Variants in CLNK observed in about 807,000 individuals in gnomAD.
CLNK encodes the protein cytokine-dependent hematopoietic cell linker.
A neutral mutation model predicts 68.6 loss-of-function variants in CLNK; 74 were observed. The ratio of observed to expected loss-of-function variants is 1.08; its 90% CI spans 0.89 to 1.31. The LOEUF is 1.31. CLNK is among the 50% of genes most tolerant of loss of function. The pLI is 0.00. For missense variants in CLNK, 553 were observed against 515.3 expected (o/e 1.07, Z -0.71); for synonymous variants, 198 against 172.2 (o/e 1.15, Z -1.17).
At chr4:10,610,745 C>T (rs1013555981) in intron 2 of CLNK, among the ~76,000 whole-genome samples, 2 of 147,354 alleles carry the variant, frequency 1.4e-5, no homozygotes, top group African/African-American at 2.5e-5. Context: ...ATTCTGGATG[C>T]GTGATAGAAA....
rs143924109 is a variant in CLNK at position 10,559,390 on chromosome 4, A to AT, written c.400-939dup. On this transcript the variant is annotated intron_variant, in intron 7 of 18. Transcript: ENST00000226951. ...TTAGGGGTTGAGTGTTGGTTGGATT[A>AT]TTTTTTTTTATCGTGGCTATTGACT... 5.1e-4 allele frequency among the ~76,000 whole-genome samples: 77 copies of AT among 151,140 alleles called. No individual in the cohort carries two copies. The East Asian group carries it at 6.2e-3, about 12-fold the overall frequency.
chr4:10,699,295 C>CACACACCACATACGTGTGTATAT, the CLNK span, among the ~76,000 whole-genome samples: 2 of 80,568 alleles, frequency 2.5e-5, no homozygotes, highest in Non-Finnish European at 5.8e-5. Flanking sequence ...CGTGTATACA[C>CACACACCACATACGTGTGTATAT]ACACACACCA....
intron 1 of CLNK, among the ~76,000 whole-genome samples, chr4:10,670,990 A>C (rs1450269873): frequency 1.3e-5 from 2 of 152,220 alleles, no homozygotes; most frequent in African/African-American, 4.8e-5. Context: ...AATTTGAATA[A>C]AAGTTAAAAA....
chr4:10,625,436 C>T (rs1353520558), intron 2 of CLNK, among the ~76,000 whole-genome samples: 3 of 152,208 alleles, frequency 2.0e-5, no homozygotes, highest in Non-Finnish European at 1.5e-5. Flanking sequence ...CTCTTTCCAA[C>T]AGACTGGTCC....
chr4:10,546,784 A>G (rs1438732868), intron 8 of CLNK, among the ~76,000 whole-genome samples: 1 of 152,124 alleles, frequency 6.6e-6, no homozygotes, highest in Non-Finnish European at 1.5e-5. Context: ...AGAATAATGG[A>G]AACTAGGTGA....
intron 2 of CLNK, among the ~76,000 whole-genome samples, chr4:10,612,534 A>G (rs1396111829): frequency 6.6e-6 from 1 of 152,230 alleles, no homozygotes; most frequent in Non-Finnish European, 1.5e-5. Flanking sequence ...AACAGTAAAC[A>G]CCTGAATGGC....
chr4:10,699,744 C>A, the CLNK span, among the ~76,000 whole-genome samples: 1 of 151,444 alleles, frequency 6.6e-6, no homozygotes, highest in African/African-American at 2.4e-5. Flanking sequence ...GAACTCCTGA[C>A]CTCAGATGAT....
intron 2 of CLNK, among the ~76,000 whole-genome samples, chr4:10,652,036 G>A (rs959420605): frequency 2.0e-5 from 3 of 151,876 alleles, no homozygotes; most frequent in African/African-American, 7.2e-5. Context: ...AAAGTTTAGA[G>A]ATAAATGTCA....
intron 3 of CLNK, among the ~76,000 whole-genome samples, chr4:10,588,329 T>A (rs1019313168): frequency 6.6e-6 from 1 of 152,202 alleles, no homozygotes; most frequent in Admixed American, 6.5e-5. Context: ...CCTGACCTTA[T>A]CTGGATTTTA....
chr4:10,674,790 G>T (rs912613256), intron 1 of CLNK, among the ~76,000 whole-genome samples: 1 of 152,204 alleles, frequency 6.6e-6, no homozygotes, highest in Non-Finnish European at 1.5e-5. Flanking sequence ...GTTTGAAAAT[G>T]CTTTGTAAAG....
intron 2 of CLNK, among the ~76,000 whole-genome samples, chr4:10,600,331 C>T (rs1417605041): frequency 2.6e-5 from 4 of 152,256 alleles, no homozygotes; most frequent in Middle Eastern, 3.4e-3. Context: ...CCATTCATTT[C>T]GTTTGTTCAT....
intron 15 of CLNK, among the ~76,000 whole-genome samples, chr4:10,518,557 C>T (rs988581982): frequency 9.9e-5 from 15 of 152,256 alleles, no homozygotes; most frequent in Middle Eastern, 3.4e-3. Flanking sequence ...TAGAGAATAA[C>T]GTTGTTACTA....
intron 4 of CLNK, among the ~76,000 whole-genome samples, chr4:10,577,925 CAT>C (rs2108832382): frequency 6.6e-6 from 1 of 152,268 alleles, no homozygotes; most frequent in African/African-American, 2.4e-5. Flanking sequence ...AGGAAGGCAA[CAT>C]GTATTTCATG....
intron 2 of CLNK, among the ~76,000 whole-genome samples, chr4:10,633,794 C>T (rs1253241678): frequency 6.6e-6 from 1 of 152,220 alleles, no homozygotes; most frequent in Non-Finnish European, 1.5e-5. Flanking sequence ...ATAATCAGTG[C>T]TAGATATTGT....
At chr4:10,577,179 C>G (rs1180952840) in intron 4 of CLNK, among the ~76,000 whole-genome samples, 1 of 152,200 alleles carries the variant, frequency 6.6e-6, no homozygotes, top group Non-Finnish European at 1.5e-5. Flanking sequence ...TAGACATTCT[C>G]AAGCCAGACA....
chr4:10,704,476 C>G, the CLNK span, among the ~76,000 whole-genome samples: 3 of 150,678 alleles, frequency 2.0e-5, no homozygotes, highest in African/African-American at 7.3e-5. Context: ...TTTTTTCTTG[C>G]TGGCTGATGC....
At chr4:10,612,631 C>G (rs1030654491) in intron 2 of CLNK, among the ~76,000 whole-genome samples, 1 of 152,152 alleles carries the variant, frequency 6.6e-6, no homozygotes, top group African/African-American at 2.4e-5. Context: ...TGGCTGGAAT[C>G]CTAGATTTAC....
intron 3 of CLNK, among the ~76,000 whole-genome samples, 178 bp from the exon 4 acceptor site, chr4:10,585,133 GT>G (rs1257737021): frequency 6.6e-6 from 1 of 152,078 alleles, no homozygotes; most frequent in Non-Finnish European, 1.5e-5. Context: ...TAGAAATATT[GT>G]ACATATTTCT....
intron 15 of CLNK, among the ~76,000 whole-genome samples, chr4:10,514,042 T>C (rs1412266132): frequency 3.3e-5 from 4 of 120,686 alleles, no homozygotes; most frequent in African/African-American, 1.3e-4. Context: ...CAGAGTGTGA[T>C]ATTCCCCTTC....
Sources: allele counts gnomAD v4.1 joint callset (sites outside exome capture counted in the v4.1 genomes callset), GRCh38; gene constraint gnomAD v4.1.1; transcripts MANE v1.5; gene names NCBI Gene and HGNC (gene_info 2026-07-23, HGNC 2026-07-21).